KCNH8: variants seen among roughly 807,000 people sequenced by gnomAD.
KCNH8 encodes voltage-gated delayed rectifier potassium channel KCNH8.
KCNH8 carries 70 observed loss-of-function variants against 103.6 expected under a neutral mutation model. The observed-to-expected ratio is 0.68, with a 90% CI of 0.56 to 0.82. The LOEUF (loss-of-function observed/expected upper bound fraction) is 0.82. Among genes scored for constraint, KCNH8 ranks in the 40% least tolerant of loss-of-function variants. The pLI, the probability that KCNH8 is intolerant of heterozygous loss-of-function variation, is 0.00. For missense variants in KCNH8, 1,217 were observed against 1,329.9 expected, an observed-to-expected ratio of 0.92 and a Z score of 1.32; for synonymous variants, 498 against 489.4, an observed-to-expected ratio of 1.02 and a Z score of -0.23.
chr3:19,189,006 G>A (rs1005297930), intron 1 of KCNH8, among the ~76,000 whole-genome samples: 4 of 151,640 alleles, frequency 2.6e-5, no homozygotes, highest in South Asian at 2.1e-4. Context: ...ACTTATAGCC[G>A]TAACCCATAT....
intron 7 of KCNH8, among the ~76,000 whole-genome samples, chr3:19,408,390 G>C (rs2125145365): frequency 6.6e-6 from 1 of 152,110 alleles, no homozygotes. Context: ...ATAATTATAA[G>C]AATTAGAAGT....
chr3:19,461,674 TTTG>T lies in KCNH8; in HGVS notation c.2040+4695_2040+4697del, dbSNP rs376946000. ...GCCACTCTGCCATGTTTTTTGTTTC[TTTG>T]TTATTATACTTTAAGTTCTAGGGTA... is the stretch of plus-strand genomic sequence containing the variant. On this transcript the variant is annotated intron_variant, in intron 11 of 15. Transcript: ENST00000328405. 4.4e-3 allele frequency among the ~76,000 whole-genome samples: 671 copies of T among 152,326 alleles called. 5 individuals are homozygous for T. The highest frequency in any genetic ancestry group is 0.019 in the South Asian group (94 of 4,832).
intron 10 of KCNH8, among the ~76,000 whole-genome samples, chr3:19,456,180 G>A (rs1186249595): frequency 6.6e-6 from 1 of 151,882 alleles, no homozygotes; most frequent in Admixed American, 6.6e-5. Context: ...TAAATTTCAA[G>A]GTTTAAGTCC....
At chr3:19,500,989 C>G (rs1170896985) in intron 11 of KCNH8, among the ~76,000 whole-genome samples, 4 of 152,074 alleles carry the variant, frequency 2.6e-5, no homozygotes, top group Non-Finnish European at 5.9e-5. Context: ...AATCCAGGAG[C>G]TGGTTTTTTG....
intron 11 of KCNH8, among the ~76,000 whole-genome samples, chr3:19,498,555 C>T (rs899762109): frequency 3.9e-5 from 6 of 151,976 alleles, no homozygotes; most frequent in African/African-American, 7.2e-5. Flanking sequence ...TTTCTTTGAT[C>T]GTCTGAAGCC....
intron 3 of KCNH8, among the ~76,000 whole-genome samples, chr3:19,322,578 T>C (rs554870918): frequency 6.6e-6 from 1 of 152,272 alleles, no homozygotes; most frequent in Admixed American, 6.5e-5. Context: ...ATCTGATAGG[T>C]TTTCTTTTAT....
chr3:19,155,763 G>C (rs558654405), intron 1 of KCNH8, among the ~76,000 whole-genome samples: 1 of 152,156 alleles, frequency 6.6e-6, no homozygotes, highest in Non-Finnish European at 1.5e-5. Context: ...CTGAGGCTCC[G>C]AGTAAAGTTA....
chr3:19,253,845 A>G lies in KCNH8; in HGVS notation c.268A>G (p.Lys90Glu), dbSNP rs1490112213. ...MLQIEKSLEE[K>E]TEFKGEIMFY... ...TCAAATAGAAAAGTCACTGGAGGAGAAAACAGAATTCAAAGGAGAAATTAT... is the reference window on the plus strand; with the variant it reads ...TCAAATAGAAAAGTCACTGGAGGAGGAAACAGAATTCAAAGGAGAAATTAT... The change falls in exon 2 of 16, where the codon AAA becomes GAA. Residue 90 changes from lysine (K) to glutamate (E), a missense_variant. This residue lies in a region of KCNH8 where 244 missense variants were observed against 256.8 expected (regional missense o/e 0.95). Coordinates refer to ENST00000328405, the MANE Select transcript of KCNH8 (RefSeq NM_144633.3). 1.2e-6 allele frequency: 2 copies of G among 1,613,698 alleles called. No individual in the cohort carries two copies. Among genetic ancestry groups the G allele is most frequent in the African/African-American group, 2.7e-5 (2 of 74,892 alleles).
chr3:19,373,378 G>T (rs559298191), intron 5 of KCNH8, among the ~76,000 whole-genome samples: 2 of 152,104 alleles, frequency 1.3e-5, no homozygotes, highest in Non-Finnish European at 2.9e-5. Flanking sequence ...ATTTCTTCTA[G>T]ATTTTCTAGT....
chr3:19,492,145 G>A (rs1002506118), intron 11 of KCNH8, among the ~76,000 whole-genome samples: 1 of 151,962 alleles, frequency 6.6e-6, no homozygotes, highest in Non-Finnish European at 1.5e-5. Context: ...TCTCTTGATA[G>A]TTTCTTTTGT....
At chr3:19,437,888 T>C (rs2067224444) in intron 7 of KCNH8, among the ~76,000 whole-genome samples, 1 of 152,234 alleles carries the variant, frequency 6.6e-6, no homozygotes, top group Non-Finnish European at 1.5e-5. Flanking sequence ...CTGCAGTTTG[T>C]TTCTTGCATT....
intron 7 of KCNH8, among the ~76,000 whole-genome samples, chr3:19,414,389 A>G (rs2066831362): frequency 6.6e-6 from 1 of 152,110 alleles, no homozygotes; most frequent in African/African-American, 2.4e-5. Context: ...CAAACAAATC[A>G]TGAAACATAT....
intron 8 of KCNH8, among the ~76,000 whole-genome samples, chr3:19,447,851 G>A (rs192815165): frequency 8.5e-5 from 13 of 152,056 alleles, no homozygotes; most frequent in African/African-American, 2.2e-4. Context: ...TATATTTTTC[G>A]TGGAATATTT....
intron 11 of KCNH8, among the ~76,000 whole-genome samples, chr3:19,462,666 T>G (rs1015578736): frequency 2.0e-5 from 3 of 152,226 alleles, no homozygotes; most frequent in African/African-American, 7.2e-5. Context: ...TTTGTCAATT[T>G]TGGCTTTTGT....
intron 5 of KCNH8, among the ~76,000 whole-genome samples, chr3:19,365,846 A>G (rs2066004601): frequency 6.6e-6 from 1 of 152,106 alleles, no homozygotes; most frequent in Non-Finnish European, 1.5e-5. Flanking sequence ...CACGCAAAGT[A>G]TAATTGAGAA....
At chr3:19,503,782 G>T (rs1203093655) in intron 11 of KCNH8, among the ~76,000 whole-genome samples, 2 of 143,160 alleles carry the variant, frequency 1.4e-5, no homozygotes, top group Non-Finnish European at 3.0e-5. Flanking sequence ...CTATTGTGGG[G>T]TAGGGGGAGG....
intron 5 of KCNH8, among the ~76,000 whole-genome samples, chr3:19,348,974 A>G (rs1015912348): frequency 6.6e-6 from 1 of 151,796 alleles, no homozygotes; most frequent in Non-Finnish European, 1.5e-5. Context: ...TTTCTGGTTG[A>G]ATGTCAGCAC....
intron 15 of KCNH8, among the ~76,000 whole-genome samples, chr3:19,532,709 A>T (rs190936931): frequency 6.6e-6 from 1 of 152,228 alleles, no homozygotes; most frequent in African/African-American, 2.4e-5. Context: ...ATATATCATC[A>T]GTACTTTAGA....
At chr3:19,325,812 G>C (rs1401760561) in intron 3 of KCNH8, among the ~76,000 whole-genome samples, 1 of 152,044 alleles carries the variant, frequency 6.6e-6, no homozygotes. Flanking sequence ...AATACCATTA[G>C]ACCCAGCAAT....
Sources: gnomAD v4.1 joint callset for allele counts (sites outside exome capture counted in the v4.1 genomes callset) on GRCh38, gnomAD v4.1.1 for gene constraint, gnomAD v4.1.1 regional missense constraint, MANE v1.5 for transcripts, NCBI Gene and HGNC (gene_info 2026-07-23, HGNC 2026-07-21) for gene names.